TACC2: variants seen among roughly 807,000 people sequenced by gnomAD.
TACC2 encodes the protein transforming acidic coiled-coil containing protein 2, also known as transforming acidic coiled-coil-containing protein 2.
A neutral mutation model predicts 227.3 loss-of-function variants in TACC2; 137 were observed. That is an observed-to-expected ratio of 0.60 (90% CI 0.52 to 0.69). TACC2 has a LOEUF of 0.69. Ranked by LOEUF, TACC2 falls within the 30% of genes least tolerant of loss-of-function variation. The pLI, the probability that TACC2 is intolerant of heterozygous loss-of-function variation, is 0.00. For missense variants in TACC2, 3,470 were observed against 3,694.4 expected, an observed-to-expected ratio of 0.94 and a Z score of 1.57; for synonymous variants, 1,523 against 1,487.5, an observed-to-expected ratio of 1.02 and a Z score of -0.55.
rs773967925 is a variant in TACC2 at position 122,050,661 on chromosome 10, TG to T, written c.146+113del. ...TTTGGAAACTGGACCCTTAGACACA[TG>T]GTATCGTCCTCAGTGGTGAGATGTT... On this transcript the variant is annotated intron_variant, in intron 3 of 22. Transcript: ENST00000369005. This position sits in a 1 kb window ranked among gnomAD's most constrained non-coding sequence, Gnocchi z 4.6. 4.2e-5 allele frequency: 33 copies of T among 780,452 alleles called. No individual in the cohort carries two copies. The highest frequency in any genetic ancestry group is 2.4e-4 in the Admixed American group (10 of 41,946). 48.3% of individuals were successfully genotyped at this position (780,452 alleles called of 1,614,324 possible).
At chr10:122,075,188 C>CAAAAAAAAAA (rs74264562) in intron 3 of TACC2, among the ~76,000 whole-genome samples, 7 of 142,614 alleles carry the variant, frequency 4.9e-5, no homozygotes, top group African/African-American at 1.6e-4. Flanking sequence ...ATCTTGCTGC[C>CAAAAAAAAAA]AAAAAAAAAA....
At chr10:122,111,846 C>G (rs1193691530) in intron 5 of TACC2, among the ~76,000 whole-genome samples, 1 of 152,050 alleles carries the variant, frequency 6.6e-6, no homozygotes, top group Non-Finnish European at 1.5e-5. Context: ...TTAAACTAGC[C>G]TATTTGGGTC....
intron 5 of TACC2, among the ~76,000 whole-genome samples, chr10:122,094,313 G>A (rs1037034055): frequency 1.3e-5 from 2 of 152,080 alleles, no homozygotes; most frequent in African/African-American, 4.8e-5. Flanking sequence ...GTCTTGTTTT[G>A]TCTCTTAGGA....
intron 11 of TACC2, among the ~76,000 whole-genome samples, chr10:122,221,933 AATTAG>A (rs975136898): frequency 2.6e-5 from 4 of 152,172 alleles, no homozygotes; most frequent in African/African-American, 4.8e-5. Flanking sequence ...AGCCCCCAGC[AATTAG>A]AGACAGACGA....
chr10:121,998,827 TG>T (rs907149729), intron 1 of TACC2, among the ~76,000 whole-genome samples: 19 of 152,152 alleles, frequency 1.2e-4, no homozygotes, highest in Non-Finnish European at 2.5e-4. Flanking sequence ...TCTCATTGTC[TG>T]GGGCTCCAAA....
chr10:122,087,319 G>A lies in TACC2; in HGVS notation c.4819G>A (p.Asp1607Asn), dbSNP rs372471760. The A allele has an allele frequency of 4.0e-5, 65 of 1,613,894 alleles. No individual in the cohort carries two copies. Among genetic ancestry groups the A allele is most frequent in the Non-Finnish European group, 4.7e-5 (55 of 1,180,024 alleles). The change falls in exon 4 of 23, where the codon GAC becomes AAC. Residue 1607 changes from aspartate to asparagine, a missense_variant. By Grantham distance (23) the Asp-to-Asn change is conservative. Around this residue, in one of 10 missense-constraint regions of TACC2, gnomAD observed 1,924 missense variants for 1,978.3 expected, o/e 0.97. Coordinates refer to ENST00000369005, the MANE Select transcript of TACC2 (RefSeq NM_206862.4). ...GCAGCACCAGGAAACATCTGCCTGC[G>A]ACAGTCCACATGGAGAAGATGGTCC... ...GKQHQETSAC[D>N]SPHGEDGPGD...
intron 5 of TACC2, among the ~76,000 whole-genome samples, chr10:122,112,812 G>T (rs1808326823): frequency 6.6e-6 from 1 of 152,104 alleles, no homozygotes; most frequent in African/African-American, 2.4e-5. Context: ...GCGTCCATCG[G>T]TCCGTGCGTC....
chr10:122,250,800 T>C (rs1362736672), intron 22 of TACC2, among the ~76,000 whole-genome samples: 1 of 152,152 alleles, frequency 6.6e-6, no homozygotes, highest in Non-Finnish European at 1.5e-5. Flanking sequence ...GGCAGATGGA[T>C]TTCCCTGAGG....
intron 5 of TACC2, among the ~76,000 whole-genome samples, chr10:122,123,815 T>TTA (rs1205425048): frequency 6.7e-6 from 1 of 149,336 alleles, no homozygotes; most frequent in East Asian, 2.0e-4. Context: ...AGTCATTTTT[T>TTA]TTTTTTTTTT....
chr10:122,247,057 G>C (rs1440083291), intron 19 of TACC2: 1 of 152,664 alleles, frequency 6.6e-6, no homozygotes, highest in African/African-American at 2.4e-5. Flanking sequence ...GGAGGGTAGA[G>C]GGCAGAGCAT....
intron 19 of TACC2, among the ~76,000 whole-genome samples, chr10:122,244,207 AG>A (rs1417022598): frequency 1.3e-5 from 2 of 152,050 alleles, no homozygotes; most frequent in Non-Finnish European, 2.9e-5. Context: ...GTTTGGCCTG[AG>A]GGGCCCTCTC....
At chr10:122,169,141 A>T (rs568639201) in intron 7 of TACC2, among the ~76,000 whole-genome samples, 178 of 152,290 alleles carry the variant, frequency 1.2e-3, no homozygotes, top group Non-Finnish European at 2.2e-3. Context: ...TTATATTTAC[A>T]AATTCACTTT....
chr10:122,133,667 A>G (rs773153090), intron 6 of TACC2, among the ~76,000 whole-genome samples: 13 of 152,094 alleles, frequency 8.5e-5, no homozygotes, highest in Middle Eastern at 6.8e-3. Context: ...CCCTCCTGGA[A>G]CTCATGGCCC....
At chr10:122,081,410 C>T (rs1015539758) in intron 3 of TACC2, among the ~76,000 whole-genome samples, 1 of 151,210 alleles carries the variant, frequency 6.6e-6, no homozygotes, top group Admixed American at 6.6e-5. Context: ...CTTCTGCAGT[C>T]CCAGCTACCC....
intron 5 of TACC2, among the ~76,000 whole-genome samples, chr10:122,103,748 T>C (rs1592039334): frequency 1.3e-5 from 2 of 152,008 alleles, no homozygotes; most frequent in South Asian, 4.2e-4. Flanking sequence ...TCCTGAGCTG[T>C]AGAGCTGAGG....
At chr10:122,100,247 G>A (rs1303097884) in intron 5 of TACC2, among the ~76,000 whole-genome samples, 1 of 149,440 alleles carries the variant, frequency 6.7e-6, no homozygotes, top group East Asian at 2.0e-4. Context: ...CTGGGCAACA[G>A]AGCGAGACTC....
rs535225968 is a variant in TACC2 at position 122,129,384 on chromosome 10, C to T, written c.5574-3225C>T. On this transcript the variant is annotated intron_variant, in intron 5 of 22. Coordinates refer to ENST00000369005, the MANE Select transcript of TACC2 (RefSeq NM_206862.4). ...ACCTTATTTTTTGAACAGCCGCAAA[C>T]GAGTCCATCCTGTGGTTGCGCCTTA... Among the ~76,000 whole-genome samples the T allele has an allele frequency of 5.9e-5, 9 of 152,192 alleles. No individual in the cohort carries two copies. The South Asian group carries it at 1.0e-3, about 18-fold the overall frequency.
chr10:122,116,233 C>T (rs1592188979), intron 5 of TACC2, among the ~76,000 whole-genome samples: 3 of 152,086 alleles, frequency 2.0e-5, no homozygotes, highest in Non-Finnish European at 4.4e-5. Flanking sequence ...GTAGAGCAGC[C>T]GACCCTTTGT....
At chr10:122,029,972 C>T (rs1958737637) in intron 2 of TACC2, among the ~76,000 whole-genome samples, 1 of 152,000 alleles carries the variant, frequency 6.6e-6, no homozygotes, top group South Asian at 2.1e-4. Context: ...TTAGCAATGT[C>T]TCAGGACAGT....
Sources: gnomAD v4.1 joint callset for allele counts (sites outside exome capture counted in the v4.1 genomes callset) on GRCh38, gnomAD v4.1.1 for gene constraint, gnomAD v4.1.1 regional missense constraint, Gnocchi (gnomAD v3.1) non-coding constraint, MANE v1.5 for transcripts, NCBI Gene and HGNC (gene_info 2026-07-23, HGNC 2026-07-21) for gene names.